Variants in PTER observed in about 807,000 individuals in gnomAD.
PTER encodes the protein phosphotriesterase related.
PTER carries 38 observed loss-of-function variants against 29.6 expected under a neutral mutation model. The ratio of observed to expected loss-of-function variants is 1.28; its 90% CI spans 0.99 to 1.68. PTER has a LOEUF of 1.68. Ranked by LOEUF, PTER falls within the 40% of genes most tolerant of loss-of-function variation. The pLI is 0.00. For missense variants in PTER, 482 were observed against 427.8 expected, an observed-to-expected ratio of 1.13 and a Z score of -1.12; for synonymous variants, 172 against 154.5, an observed-to-expected ratio of 1.11 and a Z score of -0.84.
At chr10:16,510,354 A>G (rs1836764089) in intron 4 of PTER, among the ~76,000 whole-genome samples, 1 of 152,222 alleles carries the variant, frequency 6.6e-6, no homozygotes. Flanking sequence ...TTATTTTAGC[A>G]ATCTTGCTGA....
At chr10:16,459,491 C>T (rs971017312) in intron 1 of PTER, among the ~76,000 whole-genome samples, 2 of 152,048 alleles carry the variant, frequency 1.3e-5, no homozygotes, top group Admixed American at 1.3e-4. Context: ...AATTATTGTA[C>T]GGTTTAGATA....
chr10:16,469,087 A>G (rs544956637), intron 1 of PTER, among the ~76,000 whole-genome samples: 3 of 152,198 alleles, frequency 2.0e-5, no homozygotes, highest in Non-Finnish European at 4.4e-5. Context: ...TTGAGCAACA[A>G]GGAGGAACCA....
intron 3 of PTER, among the ~76,000 whole-genome samples, chr10:16,501,296 A>G (rs1018120476): frequency 1.3e-5 from 2 of 151,200 alleles, no homozygotes; most frequent in Middle Eastern, 3.2e-3. Context: ...AGGGGGTCAT[A>G]TCACTATATG....
At chr10:16,492,236 C>T (rs991724973) in intron 3 of PTER, among the ~76,000 whole-genome samples, 1 of 152,166 alleles carries the variant, frequency 6.6e-6, no homozygotes, top group Non-Finnish European at 1.5e-5. Context: ...CCCTAGGGAA[C>T]ATTGCAGGGG....
chr10:16,484,719 G>C lies in PTER; in HGVS notation c.335G>C (p.Arg112Thr), dbSNP rs1835622254. 6.2e-7 allele frequency: 1 copy of C among 1,614,140 alleles called. No homozygotes were observed. ...GISRDTQTLKRLAEETGVHII... is the reference protein window; with the variant it reads ...GISRDTQTLKTLAEETGVHII... ...AGCCGAGACACACAGACGTTGAAGAGGCTTGCAGAAGAGACTGGCGTCCAT... is the reference window on the plus strand; with the variant it reads ...AGCCGAGACACACAGACGTTGAAGACGCTTGCAGAAGAGACTGGCGTCCAT... The change falls in exon 2 of 5, where the codon AGG becomes ACG. Residue 112 changes from arginine (R) to threonine (T), a missense_variant. Transcript: ENST00000535784.
At chr10:16,467,878 A>G (rs1463642569) in intron 1 of PTER, among the ~76,000 whole-genome samples, 1 of 152,216 alleles carries the variant, frequency 6.6e-6, no homozygotes, top group Non-Finnish European at 1.5e-5. Flanking sequence ...GAAAGTTGAA[A>G]AAGCAAACCT....
chr10:16,465,145 A>C (rs1197946652), intron 1 of PTER, among the ~76,000 whole-genome samples: 1 of 152,100 alleles, frequency 6.6e-6, no homozygotes, highest in Non-Finnish European at 1.5e-5. Flanking sequence ...ACACAGCCAA[A>C]CCATATCAGT....
rs143674728 is a variant in PTER at position 16,484,152 on chromosome 10, G to A, written c.-48-185G>A. On this transcript the variant is annotated intron_variant, in intron 1 of 4. Coordinates refer to ENST00000535784, the MANE Select transcript of PTER (RefSeq NM_001261836.2). ...GTGGGAGGCAATTAACACCACGCAC[G>A]TCACTTAGATCTGCAGTGGGGATAG... Among the ~76,000 whole-genome samples, 27 of 152,262 alleles carry A rather than the reference G, an allele frequency of 1.8e-4. 1 individual carries two copies. The East Asian group carries it at 4.8e-3, about 27-fold the overall frequency.
At chr10:16,468,658 A>T (rs1466346467) in intron 1 of PTER, among the ~76,000 whole-genome samples, 1 of 152,170 alleles carries the variant, frequency 6.6e-6, no homozygotes, top group Non-Finnish European at 1.5e-5. Flanking sequence ...AACGAGCTCA[A>T]AGTCTGATGG....
At chr10:16,489,453 G>A (rs1172209689) in intron 3 of PTER, among the ~76,000 whole-genome samples, 4 of 151,696 alleles carry the variant, frequency 2.6e-5, no homozygotes, top group African/African-American at 9.7e-5. Flanking sequence ...ATTGATAGGA[G>A]GTTATTTCCT....
chr10:16,514,322 G>A, downstream of PTER: 2 of 581,668 alleles, frequency 3.4e-6, no homozygotes, highest in South Asian at 4.6e-5. Context: ...GGCGGTAGTG[G>A]ATCACACATC....
At chr10:16,453,528 C>T (rs189648066) in intron 1 of PTER, among the ~76,000 whole-genome samples, 2,716 of 152,230 alleles carry the variant, frequency 0.018, 90 homozygotes, top group African/African-American at 0.063. Context: ...TTCTTACTCA[C>T]AAGCAGTATG....
intron 1 of PTER, among the ~76,000 whole-genome samples, chr10:16,462,950 T>G (rs1050171988): frequency 2.0e-5 from 3 of 151,242 alleles, no homozygotes; most frequent in Non-Finnish European, 4.4e-5. Context: ...CCCCAGCACT[T>G]TGGGAGGCCG....
Position 16,484,724 on chromosome 10 carries a change from G to C in PTER, c.340G>C (p.Ala114Pro), listed in dbSNP as rs1835622372. 1 of 1,614,120 alleles carries C rather than the reference G, an allele frequency of 6.2e-7. No homozygotes were observed. Among genetic ancestry groups the C allele is most frequent in the East Asian group, 2.2e-5 (1 of 44,884 alleles). ...AGACACACAGACGTTGAAGAGGCTTGCAGAAGAGACTGGCGTCCATATCAT... is the reference window on the plus strand; with the variant it reads ...AGACACACAGACGTTGAAGAGGCTTCCAGAAGAGACTGGCGTCCATATCAT... ...SRDTQTLKRL[A>P]EETGVHIISG... Residue 114 changes from alanine (A) to proline (P), a missense_variant, in exon 2 of 5, where the codon GCA becomes CCA. By Grantham distance (27) the Ala-to-Pro change is conservative (BLOSUM62 -1). Coordinates refer to ENST00000535784, the MANE Select transcript of PTER (RefSeq NM_001261836.2).
chr10:16,484,240 G>A, intron 1 of PTER, 97 bp from the exon 2 acceptor site: 1 of 720,430 alleles, frequency 1.4e-6, no homozygotes, highest in South Asian at 2.1e-5. Flanking sequence ...CTTCTTACAT[G>A]GGTATATGTT....
At chr10:16,457,746 C>T (rs1307298318) in intron 1 of PTER, among the ~76,000 whole-genome samples, 2 of 152,010 alleles carry the variant, frequency 1.3e-5, no homozygotes, top group Admixed American at 6.5e-5. Context: ...ACTACAGGTG[C>T]GTGCCACCAC....
intron 1 of PTER, among the ~76,000 whole-genome samples, chr10:16,460,219 A>G (rs548352574): frequency 1.3e-5 from 2 of 152,358 alleles, no homozygotes; most frequent in African/African-American, 2.4e-5. Context: ...GTCCTGGGTT[A>G]GCATAGCCTC....
chr10:16,446,019 T>A (rs140941474), intron 1 of PTER, among the ~76,000 whole-genome samples: 3 of 152,172 alleles, frequency 2.0e-5, no homozygotes, highest in Non-Finnish European at 2.9e-5. Flanking sequence ...TTTAGTAAAG[T>A]GCATCTTCAA....
chr10:16,449,418 C>G (rs929415411), intron 1 of PTER, among the ~76,000 whole-genome samples: 1 of 142,110 alleles, frequency 7.0e-6, no homozygotes, highest in African/African-American at 2.6e-5. Flanking sequence ...AGGGTTTCAA[C>G]AATAATTTTC....
Sources: gnomAD v4.1 joint callset for allele counts (sites outside exome capture counted in the v4.1 genomes callset) on GRCh38, gnomAD v4.1.1 for gene constraint, MANE v1.5 for transcripts, NCBI Gene and HGNC (gene_info 2026-07-23, HGNC 2026-07-21) for gene names.